The following CYB5R4 variants were observed in gnomAD, a reference collection of about 807,000 sequenced individuals.
CYB5R4 encodes the protein cytochrome b5 reductase 4, also known as N-terminal cytochrome b5 and cytochrome b5 oxidoreductase domain-containing protein.
Under a neutral mutation model 70.2 loss-of-function variants are expected in CYB5R4, and 55 were observed. That is an observed-to-expected ratio of 0.78 (90% CI 0.63 to 0.98). CYB5R4 has a LOEUF of 0.98. Ranked by LOEUF, CYB5R4 falls within the 50% of genes least tolerant of loss-of-function variation. The probability of loss-of-function intolerance (pLI) is 0.00; values close to 1 mark genes in which losing one functional copy is unlikely to be tolerated. For missense variants in CYB5R4, 562 were observed against 612.6 expected (o/e 0.92, Z 0.87); for synonymous variants, 197 against 199.5 (o/e 0.99, Z 0.11).
chr6:83,951,190 T>A (rs1047959420), intron 14 of CYB5R4, among the ~76,000 whole-genome samples: 1 of 152,190 alleles, frequency 6.6e-6, no homozygotes, highest in African/African-American at 2.4e-5. Context: ...ATAATTTAGT[T>A]AACCAATTCT....
intron 2 of CYB5R4, among the ~76,000 whole-genome samples, chr6:83,884,395 C>T (rs963773939): frequency 1.3e-5 from 2 of 151,856 alleles, no homozygotes; most frequent in Non-Finnish European, 2.9e-5. Context: ...ATATTAGTAT[C>T]TGATAAAAAG....
chr6:83,875,783 A>G (rs1473825518), intron 2 of CYB5R4, among the ~76,000 whole-genome samples: 1 of 152,170 alleles, frequency 6.6e-6, no homozygotes, highest in Non-Finnish European at 1.5e-5. Flanking sequence ...AAGAATCAAT[A>G]TTATTATCTT....
intron 3 of CYB5R4, among the ~76,000 whole-genome samples, chr6:83,907,186 T>C (rs2099463919): frequency 6.6e-6 from 1 of 152,098 alleles, no homozygotes; most frequent in Non-Finnish European, 1.5e-5. Context: ...AGTGATCCTC[T>C]CACCTCAGCC....
At chr6:83,921,202 AAG>A in intron 8 of CYB5R4, 27 bp downstream of exon 8, 1 of 1,438,598 alleles carries the variant, frequency 7.0e-7, no homozygotes, top group Non-Finnish European at 9.4e-7. Context: ...TATTAATGGA[AAG>A]AGCTCTGGTT....
intron 3 of CYB5R4, among the ~76,000 whole-genome samples, chr6:83,906,272 A>T (rs946559877): frequency 3.9e-5 from 6 of 151,984 alleles, no homozygotes; most frequent in Admixed American, 2.6e-4. Flanking sequence ...AGTTCCTTGA[A>T]CCTAAACTCC....
intron 10 of CYB5R4, among the ~76,000 whole-genome samples, chr6:83,925,658 A>G (rs2099467165): frequency 6.6e-6 from 1 of 152,054 alleles, no homozygotes. Flanking sequence ...ATGATTTTTC[A>G]TCCTTCATGC....
chr6:83,938,314 T>C (rs2099469227), intron 12 of CYB5R4, among the ~76,000 whole-genome samples: 1 of 152,154 alleles, frequency 6.6e-6, no homozygotes, highest in South Asian at 2.1e-4. Flanking sequence ...TGGAGAGTTG[T>C]CCTAGAGCAT....
chr6:83,928,013 A>G (rs1430893727), intron 10 of CYB5R4, among the ~76,000 whole-genome samples: 1 of 152,186 alleles, frequency 6.6e-6, no homozygotes, highest in African/African-American at 2.4e-5. Context: ...TACTTAGGAG[A>G]TTACAGAAAG....
chr6:83,945,430 A>G (rs2099470426), intron 14 of CYB5R4, among the ~76,000 whole-genome samples: 1 of 152,214 alleles, frequency 6.6e-6, no homozygotes, highest in Non-Finnish European at 1.5e-5. Flanking sequence ...CAGTGTATAG[A>G]GGGAAATTTA....
At chr6:83,924,660 C>T in intron 10 of CYB5R4, 68 bp downstream of exon 10, 1 of 1,541,562 alleles carries the variant, frequency 6.5e-7, no homozygotes, top group Admixed American at 1.8e-5. Flanking sequence ...ACAGTTGTAC[C>T]AGAGTTTGGA....
intron 9 of CYB5R4, among the ~76,000 whole-genome samples, chr6:83,924,142 C>CTTTT (rs35960110): frequency 3.1e-5 from 4 of 129,924 alleles, no homozygotes; most frequent in African/African-American, 9.1e-5. Flanking sequence ...ACATCTCAAC[C>CTTTT]TTTTTTTTTT....
intron 10 of CYB5R4, among the ~76,000 whole-genome samples, chr6:83,929,255 A>G (rs1295596009): frequency 2.0e-5 from 3 of 152,166 alleles, no homozygotes; most frequent in Non-Finnish European, 2.9e-5. Context: ...TTTACAGCCA[A>G]TTATGTGGTT....
At chr6:83,906,033 G>A (rs1264957026) in intron 3 of CYB5R4, among the ~76,000 whole-genome samples, 1 of 152,140 alleles carries the variant, frequency 6.6e-6, no homozygotes, top group Non-Finnish European at 1.5e-5. Flanking sequence ...ATAGGCAGAG[G>A]GGGGTGAGGC....
intron 10 of CYB5R4, among the ~76,000 whole-genome samples, chr6:83,930,188 T>C (rs1457237249): frequency 6.6e-6 from 1 of 152,184 alleles, no homozygotes; most frequent in Non-Finnish European, 1.5e-5. Context: ...ATGCTGATGA[T>C]TGGTGACTGA....
chr6:83,875,597 T>G (rs142337914), intron 2 of CYB5R4, among the ~76,000 whole-genome samples: 2 of 152,256 alleles, frequency 1.3e-5, no homozygotes, highest in Non-Finnish European at 2.9e-5. Flanking sequence ...AAAGCAAGTT[T>G]ATTAAGAAAG....
At chr6:83,871,732 GAATT>G (rs1472922916) in intron 2 of CYB5R4, among the ~76,000 whole-genome samples, 1 of 151,946 alleles carries the variant, frequency 6.6e-6, no homozygotes, top group Non-Finnish European at 1.5e-5. Context: ...GTTTTTCAAT[GAATT>G]CATTAATTTT....
chr6:83,949,157 A>G (rs2129144722), intron 14 of CYB5R4, among the ~76,000 whole-genome samples: 1 of 149,080 alleles, frequency 6.7e-6, no homozygotes, highest in East Asian at 2.0e-4. Context: ...AGCCCTAGCT[A>G]GAAAACAAAA....
chr6:83,944,164 A>G (rs901995683), intron 14 of CYB5R4, among the ~76,000 whole-genome samples: 1 of 151,416 alleles, frequency 6.6e-6, no homozygotes, highest in Non-Finnish European at 1.5e-5. Flanking sequence ...GAAGGAAAAA[A>G]ATGTTAAGGG....
rs189684271 is a variant in CYB5R4, at chr6:83,937,207, G to A, written c.1108+831G>A. 3.8e-3 allele frequency among the ~76,000 whole-genome samples: 574 copies of A among 152,064 alleles called. 5 individuals carry two copies. The highest frequency in any genetic ancestry group is 0.013 in the African/African-American group (546 of 41,482). The stretch of plus-strand genomic sequence containing the variant: ...GGAGAATCGCTTAAACCCGGGAGGC[G>A]GAGGTTTCAGTGAGCCGAGATCGTG... On this transcript the variant is annotated intron_variant, in intron 12 of 15. Transcript: ENST00000369681.
Sources: gnomAD v4.1 joint callset for allele counts (sites outside exome capture counted in the v4.1 genomes callset) on GRCh38, gnomAD v4.1.1 for gene constraint, MANE v1.5 for transcripts, NCBI Gene and HGNC (gene_info 2026-07-23, HGNC 2026-07-21) for gene names.